Variants in CDC27 observed in about 807,000 individuals in gnomAD.
The protein encoded by CDC27 is cell division cycle protein 27 homolog.
A neutral mutation model predicts 109.7 loss-of-function variants in CDC27; 27 were observed. That is an observed-to-expected ratio of 0.25 (90% CI 0.18 to 0.34). The LOEUF (loss-of-function observed/expected upper bound fraction) is 0.34. Among genes scored for constraint, CDC27 ranks in the 10% least tolerant of loss-of-function variants. The pLI is 1.00. For synonymous variants in CDC27, 266 were observed against 333.9 expected, an observed-to-expected ratio of 0.80 and a Z score of 2.22; for missense variants, 579 against 960.2, an observed-to-expected ratio of 0.60 and a Z score of 5.25.
Position 47,156,996 on chromosome 17 carries a change from T to C in CDC27, c.759A>G (p.Ile253Met), listed in dbSNP as rs373978944. ...DTVPLGTGTSILSKQVQNKPK... is the reference protein window; with the variant it reads ...DTVPLGTGTSMLSKQVQNKPK... ...GTTTATTTTGAACCTGTTTAGATAA[T>C]ATGGAAGTTCCTGTTCCCAGTGGGA... is the stretch of plus-strand genomic sequence containing the variant. Residue 253 changes from isoleucine (I) to methionine (M), a missense_variant, in exon 7 of 19, where the codon ATA becomes ATG. Transcript: ENST00000066544. The C allele has an allele frequency of 6.4e-6, 10 of 1,573,028 alleles. No individual in the cohort carries two copies. The highest frequency in any genetic ancestry group is 1.7e-4 in the Middle Eastern group (1 of 5,740).
At position 47,120,720 on chromosome 17, in the gene CDC27, T is replaced by C. The variant is rs1598376133; in HGVS notation, c.*215A>G. ...CCACCCTACCCCCCATAAATTGTCATTCATACTGGTAAAAGAGCCAGTCTT... is the reference window on the plus strand; with the variant it reads ...CCACCCTACCCCCCATAAATTGTCACTCATACTGGTAAAAGAGCCAGTCTT... On this transcript the variant is annotated 3_prime_UTR_variant, in exon 19 of 19. Transcript: ENST00000066544. 3 of 447,548 alleles carry C rather than the reference T, an allele frequency of 6.7e-6. No individual in the cohort carries two copies. In the East Asian group the frequency reaches 9.8e-5, roughly 15 times the overall value. The allele number at this position is 447,548 out of a possible 1,614,324, so 27.7% of individuals were successfully genotyped here.
chr17:47,120,901 A>G lies in CDC27; in HGVS notation c.*34T>C, dbSNP rs551281316. 1.2e-5 allele frequency: 18 copies of G among 1,478,578 alleles called. No individual in the cohort carries two copies. The highest frequency in any genetic ancestry group is 1.1e-5 in the Non-Finnish European group (12 of 1,059,118). The allele number at this position is 1,478,578 out of a possible 1,614,324, so 91.6% of individuals were successfully genotyped here. On this transcript the variant is annotated 3_prime_UTR_variant, in exon 19 of 19. Transcript: ENST00000066544. The stretch of plus-strand genomic sequence containing the variant: ...GACAAGAAACACGTCAGCACTAGTC[A>G]CACATCCAGTTGTAAAAGTCTGATT...
At position 47,119,193 on chromosome 17, in the gene CDC27, C is replaced by G. The variant is rs1176798096; in HGVS notation, c.*1742G>C. 1 of 152,074 alleles carries G rather than the reference C, an allele frequency of 6.6e-6. No individual in the cohort carries two copies. The highest frequency in any genetic ancestry group is 1.9e-4 in the East Asian group (1 of 5,200). The allele number at this position is 152,074 out of a possible 1,614,324, so 9.4% of individuals were successfully genotyped here. ...TACGTGTTAGAATCCAAGTGCTAGC[C>G]TCTGGGAATTTTTCATTATATTTAT... On this transcript the variant is annotated 3_prime_UTR_variant, in exon 19 of 19. Coordinates refer to ENST00000066544, the MANE Select transcript of CDC27 (RefSeq NM_001256.6).
At chr17:47,169,383 C>T (rs1293426597) in intron 4 of CDC27, among the ~76,000 whole-genome samples, 2 of 152,056 alleles carry the variant, frequency 1.3e-5, no homozygotes, top group Non-Finnish European at 2.9e-5. Flanking sequence ...CGGTGGCTCA[C>T]ACCTGTAATC....
intron 2 of CDC27, among the ~76,000 whole-genome samples, chr17:47,175,029 AAGAG>A (rs200785494): frequency 1.4e-5 from 2 of 143,700 alleles, no homozygotes; most frequent in African/African-American, 5.1e-5. Context: ...GAAAGAGAGA[AAGAG>A]AGAGAGAGGA....
chr17:47,130,047 A>G (rs1350794818), intron 15 of CDC27, among the ~76,000 whole-genome samples: 14 of 152,130 alleles, frequency 9.2e-5, no homozygotes. Context: ...TATTTTCAAT[A>G]TTTTAGGAAT....
At chr17:47,153,923 A>G (rs576638495) in intron 8 of CDC27, among the ~76,000 whole-genome samples, 2 of 152,076 alleles carry the variant, frequency 1.3e-5, no homozygotes, top group African/African-American at 4.8e-5. Context: ...TCTCTACAAA[A>G]ATAAAAGTTA....
intron 10 of CDC27, 152 bp from the exon 11 acceptor site, chr17:47,142,588 A>G: frequency 2.0e-6 from 1 of 496,366 alleles, no homozygotes; most frequent in Non-Finnish European, 3.5e-6. Context: ...AAAGGTCTTC[A>G]AAGTCATTTA....
At chr17:47,188,690 C>A in intron 1 of CDC27, 1 of 920,944 alleles carries the variant, frequency 1.1e-6, no homozygotes, top group Non-Finnish European at 1.3e-6. Context: ...ATCCTACGCT[C>A]CCTCCACCCT....
At chr17:47,187,821 T>C (rs2064505453) in intron 1 of CDC27, among the ~76,000 whole-genome samples, 1 of 148,966 alleles carries the variant, frequency 6.7e-6, no homozygotes, top group Admixed American at 6.7e-5. Context: ...AAAAATTATA[T>C]ATATATAATT....
chr17:47,159,620 C>A (rs1312451731), intron 4 of CDC27: 2 of 464,374 alleles, frequency 4.3e-6, no homozygotes, highest in Non-Finnish European at 3.9e-6. Context: ...GATGGCCCTG[C>A]AGATGGCAGT....
At chr17:47,126,537 A>G (rs1247546692) in intron 16 of CDC27, among the ~76,000 whole-genome samples, 1 of 152,224 alleles carries the variant, frequency 6.6e-6, no homozygotes, top group Non-Finnish European at 1.5e-5. Context: ...AAAAATGGCT[A>G]TCACTATATA....
At chr17:47,123,804 C>A (rs902197367) in intron 17 of CDC27, 82 bp downstream of exon 17, 1 of 961,986 alleles carries the variant, frequency 1.0e-6, no homozygotes, top group African/African-American at 1.7e-5. Context: ...TAGATATGTA[C>A]AGGAAGTATT....
intron 17 of CDC27, 39 bp downstream of exon 17, chr17:47,123,847 A>G (rs2062050597): frequency 1.5e-6 from 2 of 1,377,332 alleles, no homozygotes; most frequent in African/African-American, 1.5e-5. Context: ...ATTATTTGCT[A>G]TGAAAGTCAC....
intron 9 of CDC27, among the ~76,000 whole-genome samples, chr17:47,150,187 A>G (rs997246814): frequency 6.6e-6 from 1 of 152,222 alleles, no homozygotes; most frequent in African/African-American, 2.4e-5. Context: ...ATAAGTTAAA[A>G]TGTTTACTAC....
chr17:47,151,683 A>T, intron 9 of CDC27, 123 bp downstream of exon 9: 1 of 703,026 alleles, frequency 1.4e-6, no homozygotes, highest in Non-Finnish European at 2.2e-6. Flanking sequence ...TTCAAATTTT[A>T]CATCTTCAAA....
chr17:47,153,737 A>T (rs2063216263), intron 8 of CDC27, among the ~76,000 whole-genome samples: 1 of 152,154 alleles, frequency 6.6e-6, no homozygotes, highest in Non-Finnish European at 1.5e-5. Flanking sequence ...TATGCTTTTT[A>T]AAAATGGTAT....
In CDC27 at chr17:47,120,871, A is replaced by G; in HGVS notation, c.*64T>C. The G allele has an allele frequency of 8.5e-7, 1 of 1,174,458 alleles. No individual in the cohort carries two copies. The allele number at this position is 1,174,458 out of a possible 1,614,324, so 72.8% of individuals were successfully genotyped here. A position where few individuals can be genotyped will look rare whatever the true frequency, so the allele number is the denominator to read the frequency against. On this transcript the variant is annotated 3_prime_UTR_variant, in exon 19 of 19. Coordinates refer to ENST00000066544, the MANE Select transcript of CDC27 (RefSeq NM_001256.6). ...GCTCAAGAGTAAAGACTCAGTATAC[A>G]GAGGGACAAGAAACACGTCAGCACT...
intron 16 of CDC27, among the ~76,000 whole-genome samples, chr17:47,126,294 A>C (rs1287032871): frequency 6.6e-6 from 1 of 152,112 alleles, no homozygotes; most frequent in Non-Finnish European, 1.5e-5. Flanking sequence ...TGCCCTTTTC[A>C]TACAGTCACA....
Sources: gnomAD v4.1 joint callset for allele counts (sites outside exome capture counted in the v4.1 genomes callset) on GRCh38, gnomAD v4.1.1 for gene constraint, MANE v1.5 for transcripts, NCBI Gene and HGNC (gene_info 2026-07-23, HGNC 2026-07-21) for gene names.